SMIM14: variants seen among roughly 807,000 people sequenced by gnomAD.
The protein encoded by SMIM14 is small integral membrane protein 14, also known as chromosome 4 open reading frame 34.
In SMIM14, 5 loss-of-function variants were observed where a neutral mutation model predicts 12.6. The ratio of observed to expected loss-of-function variants is 0.40; its 90% CI spans 0.21 to 0.83. SMIM14 has a LOEUF of 0.83. SMIM14 is among the 40% of genes least tolerant of loss of function. SMIM14 has a pLI of 0.37. For synonymous variants in SMIM14, 30 were observed against 40.1 expected (o/e 0.75, Z 0.95); for missense variants, 86 against 119.1 (o/e 0.72, Z 1.29).
chr4:39,635,455 C>A (rs1355062936), intron 1 of SMIM14, among the ~76,000 whole-genome samples: 2 of 152,140 alleles, frequency 1.3e-5, no homozygotes, highest in East Asian at 1.9e-4. Flanking sequence ...AAGGGAAATG[C>A]ATAATAAAAA....
intron 1 of SMIM14, among the ~76,000 whole-genome samples, chr4:39,606,415 G>A (rs557418502): frequency 6.6e-6 from 1 of 152,014 alleles, no homozygotes; most frequent in African/African-American, 2.4e-5. Flanking sequence ...GGCCGAGGTG[G>A]GTGGATCACA....
At chr4:39,610,190 T>C (rs1490184821) in intron 1 of SMIM14, among the ~76,000 whole-genome samples, 1 of 152,070 alleles carries the variant, frequency 6.6e-6, no homozygotes, top group Non-Finnish European at 1.5e-5. Flanking sequence ...TCTCCCTATG[T>C]TGCCCAGGCT....
chr4:39,552,091 AG>A lies in SMIM14; in HGVS notation c.*34del. On this transcript the variant is annotated 3_prime_UTR_variant, in exon 5 of 5. Transcript: ENST00000295958. ...TCATCTTCGTTCGTTTGGTCGTGCA[AG>A]GTGTTAACTATTTTCACTTCCCATA... 2 of 1,568,878 alleles carry A rather than the reference AG, an allele frequency of 1.3e-6. No homozygotes were observed. The highest frequency in any genetic ancestry group is 1.7e-6 in the Non-Finnish European group (2 of 1,155,766).
At chr4:39,632,237 T>A (rs1715926725) in intron 1 of SMIM14, among the ~76,000 whole-genome samples, 1 of 152,192 alleles carries the variant, frequency 6.6e-6, no homozygotes, top group Non-Finnish European at 1.5e-5. Flanking sequence ...ATGCCTGTAA[T>A]CCCAGCACTT....
chr4:39,576,678 ATATATATTTTTTTTTTTTTTTTTTTTT>A lies in SMIM14; in HGVS notation c.76-4242_76-4216del, dbSNP rs1560289741. ...TGTATGTGTATATATATATATATAT[ATATATATTTTTTTTTTTTTTTTTTTTT>A]TTTTTTTTTTTTTTTTTTTGAGACG... On this transcript the variant is annotated intron_variant, in intron 2 of 4. Transcript: ENST00000295958. Among the ~76,000 whole-genome samples the A allele has an allele frequency of 8.7e-4, 26 of 29,926 alleles. 2 individuals carry two copies. The highest frequency in any genetic ancestry group is 3.2e-3 in the African/African-American group (25 of 7,934). 19.6% of individuals were successfully genotyped at this position (29,926 alleles called of 152,430 possible). A position where few individuals can be genotyped will look rare whatever the true frequency, so the allele number is the denominator to read the frequency against.
rs141475784 is a variant in SMIM14 at position 39,609,344 on chromosome 4, C to T, written c.-35-4164G>A. On this transcript the variant is annotated intron_variant, in intron 1 of 4. Transcript: ENST00000295958. ...AAATCATATCTCAAAAAAGCTGTTA[C>T]ATAAATGGTGCCTAGAGAGCATATA... 9.8e-3 allele frequency among the ~76,000 whole-genome samples: 1,496 copies of T among 152,200 alleles called. 16 individuals are homozygous for T. The highest frequency in any genetic ancestry group is 0.017 in the South Asian group (82 of 4,830).
chr4:39,626,115 T>C (rs1257555125), intron 1 of SMIM14, among the ~76,000 whole-genome samples: 1 of 152,146 alleles, frequency 6.6e-6, no homozygotes, highest in Non-Finnish European at 1.5e-5. Context: ...AGCGACTGCA[T>C]GCGAGGGATC....
chr4:39,636,282 C>T (rs1716083775), intron 1 of SMIM14, among the ~76,000 whole-genome samples: 1 of 150,008 alleles, frequency 6.7e-6, no homozygotes, highest in Non-Finnish European at 1.5e-5. Flanking sequence ...TAGAGTATAA[C>T]TATGGAACAG....
chr4:39,603,994 G>T (rs1234736758), intron 2 of SMIM14, among the ~76,000 whole-genome samples: 1 of 147,650 alleles, frequency 6.8e-6, no homozygotes, highest in African/African-American at 2.5e-5. Context: ...CTGGGTGGCA[G>T]AGTGAGACAC....
intron 1 of SMIM14, chr4:39,612,195 T>C (rs1026085123): frequency 6.6e-6 from 1 of 152,136 alleles, no homozygotes; most frequent in Non-Finnish European, 1.5e-5. Context: ...AAAGTAAATA[T>C]AACCTACCCT....
chr4:39,637,252 A>T (rs1218532549), intron 1 of SMIM14, among the ~76,000 whole-genome samples: 25 of 152,172 alleles, frequency 1.6e-4, no homozygotes. Flanking sequence ...CTATTACACA[A>T]AGTATTTCGT....
At chr4:39,627,470 A>C (rs554793563) in intron 1 of SMIM14, among the ~76,000 whole-genome samples, 26 of 152,266 alleles carry the variant, frequency 1.7e-4, no homozygotes, top group African/African-American at 6.3e-4. Context: ...TAAATCACTT[A>C]GCCTTGTTGT....
chr4:39,633,150 T>C (rs1286051019), intron 1 of SMIM14, among the ~76,000 whole-genome samples: 4 of 151,652 alleles, frequency 2.6e-5, no homozygotes, highest in African/African-American at 7.3e-5. Context: ...AAAAATTAGC[T>C]GGGCATGGTG....
intron 1 of SMIM14, among the ~76,000 whole-genome samples, chr4:39,623,991 T>C (rs1302058331): frequency 6.6e-6 from 1 of 152,168 alleles, no homozygotes; most frequent in Non-Finnish European, 1.5e-5. Flanking sequence ...CGTATGCAAT[T>C]AGTTTTTACA....
At chr4:39,576,680 ATATATTTTTTTTTTTTTTTTTTT>A (rs1560289753) in intron 2 of SMIM14, among the ~76,000 whole-genome samples, 468 of 30,630 alleles carry the variant, frequency 0.015, 25 homozygotes, top group African/African-American at 0.062. Context: ...ATATATATAT[ATATATTTTTTTTTTTTTTTTTTT>A]TTTTTTTTTT....
intron 2 of SMIM14, among the ~76,000 whole-genome samples, chr4:39,580,374 C>T (rs1218979940): frequency 6.6e-6 from 1 of 151,996 alleles, no homozygotes; most frequent in African/African-American, 2.4e-5. Context: ...TAGCGACAGT[C>T]TCCCTATGCT....
chr4:39,605,605 A>G (rs796707440), intron 1 of SMIM14, among the ~76,000 whole-genome samples: 14 of 152,356 alleles, frequency 9.2e-5, no homozygotes, highest in African/African-American at 3.1e-4. Flanking sequence ...TAGCTAAAAA[A>G]TAGCTAGGTA....
At chr4:39,597,192 T>C (rs1714406979) in intron 2 of SMIM14, among the ~76,000 whole-genome samples, 1 of 151,570 alleles carries the variant, frequency 6.6e-6, no homozygotes, top group Non-Finnish European at 1.5e-5. Context: ...AGCAGATTTT[T>C]GGTTGTTGTG....
At chr4:39,622,543 G>T (rs1425413881) in intron 1 of SMIM14, among the ~76,000 whole-genome samples, 1 of 152,192 alleles carries the variant, frequency 6.6e-6, no homozygotes, top group East Asian at 1.9e-4. Flanking sequence ...TGGGATTACA[G>T]GTGTGTGCCA....
Sources: allele counts gnomAD v4.1 joint callset (sites outside exome capture counted in the v4.1 genomes callset), GRCh38; gene constraint gnomAD v4.1.1; transcripts MANE v1.5; gene names NCBI Gene and HGNC (gene_info 2026-07-23, HGNC 2026-07-21).